Variants in PTDSS1 observed in about 807,000 individuals in gnomAD.
PTDSS1 encodes the protein phosphatidylserine synthase 1.
PTDSS1 carries 45 observed loss-of-function variants against 70.5 expected under a neutral mutation model. The observed-to-expected ratio is 0.64, with a 90% CI of 0.50 to 0.82. The LOEUF (loss-of-function observed/expected upper bound fraction) is 0.82. Among genes scored for constraint, PTDSS1 ranks in the 40% least tolerant of loss-of-function variants. PTDSS1 has a pLI of 0.00. For synonymous variants in PTDSS1, 188 were observed against 203.8 expected, an observed-to-expected ratio of 0.92 and a Z score of 0.66; for missense variants, 417 against 586.1, an observed-to-expected ratio of 0.71 and a Z score of 2.98.
chr8:96,311,153 C>A (rs992456901), intron 9 of PTDSS1, among the ~76,000 whole-genome samples: 1 of 152,198 alleles, frequency 6.6e-6, no homozygotes, highest in Non-Finnish European at 1.5e-5. Context: ...AAATGTGAGA[C>A]CCTCTTGAAT....
intron 12 of PTDSS1, among the ~76,000 whole-genome samples, chr8:96,331,877 T>C (rs1407062092): frequency 6.6e-6 from 1 of 152,040 alleles, no homozygotes; most frequent in Non-Finnish European, 1.5e-5. Flanking sequence ...AGCAAGACCC[T>C]GTCTCTACAA....
intron 4 of PTDSS1, among the ~76,000 whole-genome samples, chr8:96,291,882 G>C (rs561974900): frequency 4.6e-5 from 7 of 152,276 alleles, no homozygotes; most frequent in Non-Finnish European, 4.4e-5. Context: ...ACAGTGTCTG[G>C]TGGTCTCGCT....
intron 8 of PTDSS1, among the ~76,000 whole-genome samples, chr8:96,308,119 A>G (rs1183018208): frequency 6.6e-6 from 1 of 152,250 alleles, no homozygotes; most frequent in Non-Finnish European, 1.5e-5. Context: ...GAGAGAGTTT[A>G]GAGGCTTCAG....
intron 9 of PTDSS1, among the ~76,000 whole-genome samples, chr8:96,315,891 C>A (rs77602113): frequency 4.6e-5 from 7 of 152,076 alleles, no homozygotes; most frequent in Non-Finnish European, 1.0e-4. Flanking sequence ...CTGAGCTGTG[C>A]GGAGGAAACC....
At chr8:96,300,370 G>A (rs1271011108) in intron 6 of PTDSS1, among the ~76,000 whole-genome samples, 1 of 152,006 alleles carries the variant, frequency 6.6e-6, no homozygotes, top group Non-Finnish European at 1.5e-5. Context: ...TTGTGCACAC[G>A]CTCCCCTCTC....
At position 96,261,961 on chromosome 8, in the gene PTDSS1, T is replaced by C. The variant is rs1810408177; in HGVS notation, c.-80T>C. The C allele has an allele frequency of 2.1e-6, 3 of 1,440,098 alleles. No homozygotes were observed. Among genetic ancestry groups the C allele is most frequent in the Admixed American group, 2.1e-5 (1 of 48,434 alleles). 89.2% of individuals were successfully genotyped at this position (1,440,098 alleles called of 1,614,324 possible). Reference sequence around the variant, plus strand: ...CGGCTTTGCCGTCCGGCTATTAGCCTACTGTGGCTAGTCACCCCCGGGGTC... The same window carrying C: ...CGGCTTTGCCGTCCGGCTATTAGCCCACTGTGGCTAGTCACCCCCGGGGTC... On this transcript the variant is annotated 5_prime_UTR_variant, in exon 1 of 13. Transcript: ENST00000517309.
At chr8:96,290,106 C>G (rs1275440964) in intron 4 of PTDSS1, among the ~76,000 whole-genome samples, 1 of 152,068 alleles carries the variant, frequency 6.6e-6, no homozygotes, top group Non-Finnish European at 1.5e-5. Context: ...GCTTAAAATG[C>G]AGTATCTCAC....
chr8:96,304,364 C>T (rs1346922464), intron 7 of PTDSS1, among the ~76,000 whole-genome samples, 183 bp downstream of exon 7: 1 of 152,164 alleles, frequency 6.6e-6, no homozygotes, highest in Admixed American at 6.5e-5. Flanking sequence ...AAGGTCTTGC[C>T]TCATTTTGAA....
intron 9 of PTDSS1, among the ~76,000 whole-genome samples, chr8:96,312,526 C>T (rs1177884227): frequency 6.6e-6 from 1 of 151,214 alleles, no homozygotes; most frequent in Non-Finnish European, 1.5e-5. Context: ...GTAAACACTG[C>T]CCCAGAAAGT....
chr8:96,327,960 C>T (rs1811461558), intron 10 of PTDSS1, among the ~76,000 whole-genome samples: 1 of 152,170 alleles, frequency 6.6e-6, no homozygotes, highest in African/African-American at 2.4e-5. Flanking sequence ...TACCGGCTTC[C>T]GTTTGCTGGG....
chr8:96,293,434 C>T (rs893088829), intron 4 of PTDSS1, among the ~76,000 whole-genome samples: 1 of 152,220 alleles, frequency 6.6e-6, no homozygotes, highest in Non-Finnish European at 1.5e-5. Flanking sequence ...TGCTCACAGG[C>T]ATGCACCTGT....
chr8:96,265,468 A>T (rs2129982468), intron 1 of PTDSS1, among the ~76,000 whole-genome samples: 1 of 152,292 alleles, frequency 6.6e-6, no homozygotes, highest in African/African-American at 2.4e-5. Context: ...GTATTTAAAT[A>T]TCTCCTGTCT....
intron 4 of PTDSS1, among the ~76,000 whole-genome samples, chr8:96,289,525 T>C (rs548552705): frequency 7.9e-5 from 12 of 152,212 alleles, no homozygotes; most frequent in Non-Finnish European, 1.3e-4. Context: ...GGCTAGGAAC[T>C]GGGGACAAGG....
intron 10 of PTDSS1, among the ~76,000 whole-genome samples, chr8:96,328,579 G>C (rs1811470357): frequency 6.6e-6 from 1 of 152,130 alleles, no homozygotes; most frequent in African/African-American, 2.4e-5. Context: ...TGAACCAGTG[G>C]CGCTGCTTGT....
intron 9 of PTDSS1, among the ~76,000 whole-genome samples, chr8:96,311,159 T>C (rs948161900): frequency 1.3e-5 from 2 of 152,206 alleles, no homozygotes; most frequent in African/African-American, 4.8e-5. Flanking sequence ...GAGACCCTCT[T>C]GAATATCTCA....
At chr8:96,263,058 T>C (rs1048865389) in intron 1 of PTDSS1, among the ~76,000 whole-genome samples, 1 of 152,144 alleles carries the variant, frequency 6.6e-6, no homozygotes, top group Non-Finnish European at 1.5e-5. Flanking sequence ...GTGCCTGGGG[T>C]ATAGTAACTG....
intron 10 of PTDSS1, among the ~76,000 whole-genome samples, chr8:96,322,882 C>A (rs1279607045): frequency 6.6e-6 from 1 of 152,176 alleles, no homozygotes; most frequent in South Asian, 2.1e-4. Context: ...GCTCAAGCCA[C>A]ACCAAGGTCC....
chr8:96,327,740 C>A (rs1041196799), intron 10 of PTDSS1, among the ~76,000 whole-genome samples: 2 of 152,180 alleles, frequency 1.3e-5, no homozygotes, highest in Admixed American at 6.5e-5. Context: ...TGCTCATTAC[C>A]ATAATGTAGA....
intron 11 of PTDSS1, 140 bp downstream of exon 11, chr8:96,330,421 C>A: frequency 1.3e-6 from 1 of 770,392 alleles, no homozygotes; most frequent in Non-Finnish European, 2.1e-6. Flanking sequence ...CTGCAGAAAC[C>A]GCATGTCACA....
Sources: allele counts gnomAD v4.1 joint callset (sites outside exome capture counted in the v4.1 genomes callset), GRCh38; gene constraint gnomAD v4.1.1; transcripts MANE v1.5; gene names NCBI Gene and HGNC (gene_info 2026-07-23, HGNC 2026-07-21).